The following DNAAF11 variants were observed in gnomAD, a reference collection of about 807,000 sequenced individuals.
DNAAF11 encodes dynein axonemal assembly factor 11, also known as leucine rich repeat containing 6.
In DNAAF11, 45 loss-of-function variants were observed where a neutral mutation model predicts 60.8. The observed-to-expected ratio is 0.74, with a 90% CI of 0.58 to 0.95. DNAAF11 has a LOEUF of 0.95. DNAAF11 is among the 40% of genes least tolerant of loss of function. The probability of loss-of-function intolerance (pLI) is 0.00; values close to 1 mark genes in which losing one functional copy is unlikely to be tolerated. For missense variants in DNAAF11, 546 were observed against 546.2 expected, an observed-to-expected ratio of 1.00 and a Z score of 0.00; for synonymous variants, 191 against 183.5, an observed-to-expected ratio of 1.04 and a Z score of -0.33.
chr8:132,690,816 G>A, the DNAAF11 span, among the ~76,000 whole-genome samples: 1 of 152,302 alleles, frequency 6.6e-6, no homozygotes, highest in African/African-American at 2.4e-5. Context: ...GGGATTGACT[G>A]CTGTGTTTCT....
At chr8:132,594,032 T>A (rs887154471) in intron 10 of DNAAF11, among the ~76,000 whole-genome samples, 7 of 151,992 alleles carry the variant, frequency 4.6e-5, no homozygotes, top group African/African-American at 1.7e-4. Context: ...AAATAACATA[T>A]GAGAATTCAC....
At position 132,664,058 on chromosome 8, in the gene DNAAF11, T is replaced by C. The variant is rs543887152; in HGVS notation, c.11-2431A>G. The stretch of plus-strand genomic sequence containing the variant: ...ATAGGAAATGCAGCCCTCAGGTTGT[T>C]AGGAAAGTATACTTGTCAAGGTAAG... On this transcript the variant is annotated intron_variant, in intron 1 of 11. Coordinates refer to ENST00000620350, the MANE Select transcript of DNAAF11 (RefSeq NM_012472.6). 3.9e-5 allele frequency among the ~76,000 whole-genome samples: 6 copies of C among 152,370 alleles called. No individual in the cohort carries two copies. The South Asian group carries it at 1.2e-3, about 32-fold the overall frequency.
At chr8:132,601,449 T>C (rs1252171417) in intron 10 of DNAAF11, among the ~76,000 whole-genome samples, 1 of 152,222 alleles carries the variant, frequency 6.6e-6, no homozygotes, top group Non-Finnish European at 1.5e-5. Context: ...TTATAAATCA[T>C]GCTGCTACAA....
the DNAAF11 span, among the ~76,000 whole-genome samples, chr8:132,697,416 G>A: frequency 6.6e-6 from 1 of 152,108 alleles, no homozygotes; most frequent in African/African-American, 2.4e-5. Flanking sequence ...TCAGGAGTTT[G>A]AGACCAGCCT....
At chr8:132,675,610 G>C, upstream of DNAAF11, 2 of 1,120,200 alleles carry the variant, frequency 1.8e-6, no homozygotes, top group Non-Finnish European at 2.5e-6. Flanking sequence ...CATGGCAACG[G>C]GGACTCTACG....
intron 10 of DNAAF11, among the ~76,000 whole-genome samples, chr8:132,602,160 C>A (rs1042102144): frequency 1.9e-4 from 29 of 152,172 alleles, no homozygotes; most frequent in Admixed American, 1.6e-3. Flanking sequence ...TATCATATTT[C>A]AATTTTAAAA....
intron 3 of DNAAF11, among the ~76,000 whole-genome samples, chr8:132,650,285 G>A (rs948140249): frequency 2.0e-5 from 3 of 151,744 alleles, no homozygotes; most frequent in African/African-American, 4.8e-5. Flanking sequence ...ACCAAACACC[G>A]CATGTTCTCA....
At chr8:132,580,316 A>C (rs1465307245) in intron 11 of DNAAF11, among the ~76,000 whole-genome samples, 1 of 152,230 alleles carries the variant, frequency 6.6e-6, no homozygotes, top group East Asian at 1.9e-4. Context: ...GATAAGGATC[A>C]ATCGGAAAGC....
At chr8:132,668,958 G>C (rs1824910042) in intron 1 of DNAAF11, among the ~76,000 whole-genome samples, 1 of 152,140 alleles carries the variant, frequency 6.6e-6, no homozygotes, top group Admixed American at 6.5e-5. Context: ...CCAAGGTCAT[G>C]GCCTTTCCTT....
At chr8:132,594,812 C>T (rs1816819990) in intron 10 of DNAAF11, among the ~76,000 whole-genome samples, 1 of 152,180 alleles carries the variant, frequency 6.6e-6, no homozygotes, top group African/African-American at 2.4e-5. Context: ...TCAATTAAAC[C>T]TCTTTTCCTT....
intron 4 of DNAAF11, among the ~76,000 whole-genome samples, chr8:132,637,030 G>GAAAC (rs1444610866): frequency 6.6e-6 from 1 of 152,144 alleles, no homozygotes; most frequent in Non-Finnish European, 1.5e-5. Context: ...AGAATTACAT[G>GAAAC]AAACGTAACA....
chr8:132,591,311 A>G (rs1816442623), intron 10 of DNAAF11, among the ~76,000 whole-genome samples: 1 of 152,036 alleles, frequency 6.6e-6, no homozygotes, highest in South Asian at 2.1e-4. Flanking sequence ...TAGATGGTTG[A>G]AGAAGAGAGA....
intron 1 of DNAAF11, among the ~76,000 whole-genome samples, chr8:132,663,125 T>C (rs1824292753): frequency 1.3e-5 from 2 of 152,182 alleles, no homozygotes; most frequent in Non-Finnish European, 2.9e-5. Flanking sequence ...AACCAGATCC[T>C]GGTAAGGGAC....
intron 10 of DNAAF11, among the ~76,000 whole-genome samples, chr8:132,591,728 C>T (rs763629117): frequency 1.3e-5 from 2 of 151,744 alleles, no homozygotes; most frequent in African/African-American, 2.4e-5. Flanking sequence ...CGTGGTAAGC[C>T]CTCAACAATT....
At chr8:132,573,595 A>G (rs1421146710) in intron 11 of DNAAF11, among the ~76,000 whole-genome samples, 1 of 152,232 alleles carries the variant, frequency 6.6e-6, no homozygotes, top group Non-Finnish European at 1.5e-5. Context: ...TATTGGGGAA[A>G]TAATGAAATT....
At chr8:132,681,404 A>G in the DNAAF11 span, among the ~76,000 whole-genome samples, 1 of 151,452 alleles carries the variant, frequency 6.6e-6, no homozygotes, top group Non-Finnish European at 1.5e-5. Context: ...TCTTACAGAT[A>G]AAGAAATTCA....
chr8:132,700,599 G>C, the DNAAF11 span, among the ~76,000 whole-genome samples: 1 of 152,146 alleles, frequency 6.6e-6, no homozygotes, highest in Non-Finnish European at 1.5e-5. Context: ...GAGGCAGGAG[G>C]ATTGCTTGAG....
the DNAAF11 span, among the ~76,000 whole-genome samples, chr8:132,700,454 A>T: frequency 8.6e-5 from 13 of 151,754 alleles, no homozygotes; most frequent in Admixed American, 7.9e-4. Context: ...GGGAGGCTGA[A>T]GTGGTACCAT....
chr8:132,592,128 AT>A (rs1319686390), intron 10 of DNAAF11, among the ~76,000 whole-genome samples: 2 of 152,150 alleles, frequency 1.3e-5, no homozygotes, highest in Non-Finnish European at 2.9e-5. Flanking sequence ...ATCAACAGGT[AT>A]TTTTTTGAGT....
Sources: gnomAD v4.1 joint callset for allele counts (sites outside exome capture counted in the v4.1 genomes callset) on GRCh38, gnomAD v4.1.1 for gene constraint, MANE v1.5 for transcripts, NCBI Gene and HGNC (gene_info 2026-07-23, HGNC 2026-07-21) for gene names.